Variants in KSR2 observed in about 807,000 individuals in gnomAD.
KSR2 encodes kinase suppressor of ras 2.
A neutral mutation model predicts 107.8 loss-of-function variants in KSR2; 25 were observed. The ratio of observed to expected loss-of-function variants is 0.23; its 90% CI spans 0.17 to 0.32. The LOEUF (loss-of-function observed/expected upper bound fraction) is 0.32, where lower values mean the gene tolerates loss of function less well. KSR2 is among the 10% of genes least tolerant of loss of function. The probability of loss-of-function intolerance (pLI) is 1.00; values close to 1 mark genes in which losing one functional copy is unlikely to be tolerated. For synonymous variants in KSR2, 480 were observed against 507.0 expected (o/e 0.95, Z 0.71); for missense variants, 887 against 1,268.9 (o/e 0.70, Z 4.57).
chr12:117,881,375 G>C (rs1376724779), intron 1 of KSR2, among the ~76,000 whole-genome samples: 1 of 152,188 alleles, frequency 6.6e-6, no homozygotes, highest in Non-Finnish European at 1.5e-5. Context: ...CCAACCAGCT[G>C]CTCCTACCTA....
chr12:117,483,395 T>TAA (rs558773625), intron 16 of KSR2, among the ~76,000 whole-genome samples: 1 of 150,594 alleles, frequency 6.6e-6, no homozygotes, highest in African/African-American at 2.4e-5. Context: ...ATAAATAAAA[T>TAA]AAAAAAAAAT....
intron 3 of KSR2, among the ~76,000 whole-genome samples, chr12:117,822,216 C>A (rs560327472): frequency 1.2e-4 from 18 of 152,284 alleles, no homozygotes; most frequent in East Asian, 5.8e-4. Flanking sequence ...AATGGGCAAC[C>A]AGCAGCCCTT....
chr12:117,590,233 G>A (rs972017252), intron 5 of KSR2, among the ~76,000 whole-genome samples: 1 of 152,260 alleles, frequency 6.6e-6, no homozygotes, highest in Non-Finnish European at 1.5e-5. Flanking sequence ...GTTTAAGTTA[G>A]AGACAAGACC....
chr12:117,952,155 T>TCTCACA (rs1555261008), intron 1 of KSR2, among the ~76,000 whole-genome samples: 1 of 147,310 alleles, frequency 6.8e-6, no homozygotes, highest in African/African-American at 2.5e-5. Flanking sequence ...AATGTTCTCA[T>TCTCACA]CACACACACA....
chr12:117,722,493 C>T (rs1263764539), intron 4 of KSR2, among the ~76,000 whole-genome samples: 6 of 152,164 alleles, frequency 3.9e-5, no homozygotes, highest in African/African-American at 1.4e-4. Flanking sequence ...GGCCAAAACC[C>T]ATCAAAACCA....
At chr12:117,700,522 C>T (rs1886259371) in intron 4 of KSR2, among the ~76,000 whole-genome samples, 1 of 152,166 alleles carries the variant, frequency 6.6e-6, no homozygotes, top group Non-Finnish European at 1.5e-5. Context: ...GAATTGCCTT[C>T]CTCATGTATT....
chr12:117,925,609 A>G (rs564276726), intron 1 of KSR2, among the ~76,000 whole-genome samples: 223 of 152,342 alleles, frequency 1.5e-3, no homozygotes, highest in Non-Finnish European at 2.4e-4. Context: ...TGACAGCAGC[A>G]ATGGCTATTA....
At chr12:117,552,571 T>A (rs773448500) in intron 9 of KSR2, among the ~76,000 whole-genome samples, 1 of 152,206 alleles carries the variant, frequency 6.6e-6, no homozygotes, top group Non-Finnish European at 1.5e-5. Context: ...CAAGTCCATA[T>A]ACAGGTGCTC....
intron 3 of KSR2, among the ~76,000 whole-genome samples, chr12:117,772,225 T>C (rs1593221420): frequency 1.6e-5 from 1 of 61,740 alleles, no homozygotes; most frequent in Non-Finnish European, 3.0e-5. Flanking sequence ...ACACACACCA[T>C]TCCCCCAGAC....
chr12:117,902,109 G>A (rs1226303167), intron 1 of KSR2, among the ~76,000 whole-genome samples: 1 of 152,124 alleles, frequency 6.6e-6, no homozygotes, highest in Non-Finnish European at 1.5e-5. Flanking sequence ...TTCGAACTCA[G>A]TTTAAAAATT....
intron 1 of KSR2, among the ~76,000 whole-genome samples, chr12:117,960,571 C>T (rs1284899900): frequency 6.6e-6 from 1 of 152,126 alleles, no homozygotes. Flanking sequence ...TCGGACCCTC[C>T]AGCCACAGTT....
At position 117,848,815 on chromosome 12, in the gene KSR2, GGTGGGTGGTGATGGTGGTA is replaced by G. The variant is rs967406193; in HGVS notation, c.472+6594_472+6612del. On this transcript the variant is annotated intron_variant, in intron 3 of 19. Coordinates refer to ENST00000339824, the MANE Select transcript of KSR2 (RefSeq NM_173598.6). ...TGATGGTGGTAACAACAGTGATGGT[GGTGGGTGGTGATGGTGGTA>G]GTGGTGGTGATGGTGATGATGGTGA... 6.1e-5 allele frequency among the ~76,000 whole-genome samples: 9 copies of G among 147,156 alleles called. No homozygotes were observed. In the South Asian group the frequency reaches 6.7e-4, roughly 11 times the overall value.
intron 4 of KSR2, among the ~76,000 whole-genome samples, chr12:117,738,316 T>A (rs1387248652): frequency 6.6e-6 from 1 of 152,200 alleles, no homozygotes; most frequent in Non-Finnish European, 1.5e-5. Flanking sequence ...ATGCATCACT[T>A]AACGACAGGG....
In KSR2 at chr12:117,548,702, A is replaced by AT. The variant is rs200448783; in HGVS notation, c.1518+6466dup. Among the ~76,000 whole-genome samples, 349 of 152,236 alleles carry AT rather than the reference A, an allele frequency of 2.3e-3. 3 individuals carry two copies. The highest frequency in any genetic ancestry group is 0.017 in the East Asian group (86 of 5,168). On this transcript the variant is annotated intron_variant, in intron 9 of 19. Coordinates refer to ENST00000339824, the MANE Select transcript of KSR2 (RefSeq NM_173598.6). ...AGTGGGAGGAATATGGAAAAGTACA[A>AT]TTACTCCATCTTCCTGGAAGCAGAG...
chr12:117,719,345 C>T (rs919685338), intron 4 of KSR2, among the ~76,000 whole-genome samples: 1 of 152,210 alleles, frequency 6.6e-6, no homozygotes, highest in Non-Finnish European at 1.5e-5. Context: ...CAAGCATGTG[C>T]TACCATACCC....
chr12:117,583,969 C>T (rs1399770103), intron 5 of KSR2, among the ~76,000 whole-genome samples: 1 of 152,204 alleles, frequency 6.6e-6, no homozygotes, highest in Non-Finnish European at 1.5e-5. Context: ...GAACCTATCA[C>T]AGAGCATTTA....
intron 3 of KSR2, among the ~76,000 whole-genome samples, chr12:117,830,422 G>A (rs372629231): frequency 3.3e-5 from 5 of 151,910 alleles, no homozygotes; most frequent in African/African-American, 1.2e-4. Context: ...CTGGGTGATG[G>A]GATTATCCAT....
intron 5 of KSR2, among the ~76,000 whole-genome samples, chr12:117,664,857 G>C (rs1163589564): frequency 6.6e-6 from 1 of 152,100 alleles, no homozygotes; most frequent in African/African-American, 2.4e-5. Context: ...ACAGACTGGG[G>C]TGAGTCTTAA....
Position 117,894,829 on chromosome 12 carries a change from G to A in KSR2, c.181-34398C>T, listed in dbSNP as rs1035125787. On this transcript the variant is annotated intron_variant, in intron 1 of 19. Coordinates refer to ENST00000339824, the MANE Select transcript of KSR2 (RefSeq NM_173598.6). Reference sequence around the variant, plus strand: ...CCGCCATGATTGTAAGTTTCCTAAGGCCTCCCCACCAATGCTTCCTAAACA... The same window carrying A: ...CCGCCATGATTGTAAGTTTCCTAAGACCTCCCCACCAATGCTTCCTAAACA... 1.3e-4 allele frequency among the ~76,000 whole-genome samples: 20 copies of A among 150,834 alleles called. No homozygotes were observed. In the East Asian group the frequency reaches 3.4e-3, roughly 26 times the overall value.
Sources: gnomAD v4.1 joint callset for allele counts (sites outside exome capture counted in the v4.1 genomes callset) on GRCh38, gnomAD v4.1.1 for gene constraint, MANE v1.5 for transcripts, NCBI Gene and HGNC (gene_info 2026-07-23, HGNC 2026-07-21) for gene names.